Variants in DLG2 observed in about 807,000 individuals in gnomAD.
DLG2 encodes the protein disks large homolog 2.
Under a neutral mutation model 132.5 loss-of-function variants are expected in DLG2, and 45 were observed. The observed-to-expected ratio is 0.34, with a 90% confidence interval of 0.27 to 0.44. DLG2 has a LOEUF of 0.44. DLG2 is among the 20% of genes least tolerant of loss of function. The pLI is 1.00. For synonymous variants in DLG2, 424 were observed against 419.6 expected (o/e 1.01, Z -0.13); for missense variants, 1,045 against 1,196.9 (o/e 0.87, Z 1.87).
intron 18 of DLG2, among the ~76,000 whole-genome samples, chr11:83,742,765 GTAGAAT>G (rs1241628839): frequency 1.3e-5 from 2 of 152,138 alleles, no homozygotes; most frequent in Admixed American, 1.3e-4. Context: ...CATTTTTACA[GTAGAAT>G]TAGAATTAGA....
intron 3 of DLG2, among the ~76,000 whole-genome samples, chr11:85,372,952 C>A (rs1257411427): frequency 6.6e-6 from 1 of 152,188 alleles, no homozygotes; most frequent in Admixed American, 6.5e-5. Flanking sequence ...CATCCTGAAC[C>A]CTTGGGACTC....
chr11:84,010,006 C>G (rs970351357), intron 11 of DLG2, among the ~76,000 whole-genome samples: 5 of 152,058 alleles, frequency 3.3e-5, no homozygotes, highest in African/African-American at 1.2e-4. Context: ...GCCTCCCAGT[C>G]TGTGCACTGT....
At chr11:83,887,644 CA>C (rs2068327737) in intron 15 of DLG2, among the ~76,000 whole-genome samples, 1 of 151,486 alleles carries the variant, frequency 6.6e-6, no homozygotes, top group Non-Finnish European at 1.5e-5. Flanking sequence ...GAGACACAAA[CA>C]AAAAAGAGAA....
intron 6 of DLG2, among the ~76,000 whole-genome samples, chr11:84,811,027 T>G (rs921704844): frequency 1.3e-5 from 2 of 152,250 alleles, no homozygotes; most frequent in Admixed American, 6.5e-5. Context: ...ATATTTTGAT[T>G]GTAATATTGT....
intron 10 of DLG2, among the ~76,000 whole-genome samples, chr11:84,090,304 C>T (rs1358931445): frequency 1.3e-5 from 2 of 150,426 alleles, no homozygotes; most frequent in African/African-American, 4.9e-5. Context: ...ATCCCAGCTA[C>T]TCACGAGGCT....
chr11:84,331,340 G>C (rs1464900534), intron 7 of DLG2, among the ~76,000 whole-genome samples: 1 of 151,368 alleles, frequency 6.6e-6, no homozygotes, highest in African/African-American at 2.4e-5. Context: ...CTAAGTAATT[G>C]CTCAAGGTCA....
intron 6 of DLG2, among the ~76,000 whole-genome samples, chr11:84,937,398 A>AT (rs1360808500): frequency 6.6e-6 from 1 of 152,052 alleles, no homozygotes; most frequent in African/African-American, 2.4e-5. Flanking sequence ...AAAAAAAAAA[A>AT]AAATCAAATT....
At chr11:84,696,046 T>C (rs781735582) in intron 6 of DLG2, among the ~76,000 whole-genome samples, 2 of 151,522 alleles carry the variant, frequency 1.3e-5, no homozygotes, top group Non-Finnish European at 3.0e-5. Context: ...TTGTCTTTCA[T>C]GGTCTCCAAA....
intron 3 of DLG2, among the ~76,000 whole-genome samples, chr11:85,303,751 T>C (rs1401218296): frequency 6.6e-6 from 1 of 152,208 alleles, no homozygotes; most frequent in Non-Finnish European, 1.5e-5. Flanking sequence ...TATCTGGCCT[T>C]ATAAACTTCA....
At position 84,339,758 on chromosome 11, in the gene DLG2, A is replaced by T. The variant is rs190757744; in HGVS notation, c.520-88467T>A. 2.3e-3 allele frequency among the ~76,000 whole-genome samples: 349 copies of T among 152,336 alleles called. 1 individual carries two copies. Among genetic ancestry groups the T allele is most frequent in the African/African-American group, 8.2e-3 (339 of 41,570 alleles). On this transcript the variant is annotated intron_variant, in intron 7 of 27. Coordinates refer to ENST00000376104, the MANE Select transcript of DLG2 (RefSeq NM_001142699.3). ...CCCTCATTAAAATAATCCCCTTTAGAAAAGAGTCTTATTTTTACTCATAGA... is the reference window on the plus strand; with the variant it reads ...CCCTCATTAAAATAATCCCCTTTAGTAAAGAGTCTTATTTTTACTCATAGA...
intron 7 of DLG2, among the ~76,000 whole-genome samples, chr11:84,350,094 C>A (rs2098556213): frequency 1.3e-5 from 2 of 149,196 alleles, no homozygotes; most frequent in South Asian, 2.2e-4. Flanking sequence ...AGGAGAATGG[C>A]GTGAACCCGG....
chr11:84,906,836 G>C (rs927172570), intron 6 of DLG2, among the ~76,000 whole-genome samples: 4 of 152,104 alleles, frequency 2.6e-5, no homozygotes, highest in Non-Finnish European at 5.9e-5. Context: ...TGAATCCAAG[G>C]CATGGAAAGC....
rs191060778 is a variant in DLG2, at chr11:85,101,023, T to C, written c.357+10638A>G. 1.7e-3 allele frequency among the ~76,000 whole-genome samples: 254 copies of C among 152,288 alleles called. 1 individual carries two copies. Among genetic ancestry groups the C allele is most frequent in the Non-Finnish European group, 2.6e-3 (180 of 68,010 alleles). ...TTAGAAATAATTTTAGTTTTTTATG[T>C]GTTGACTCATGACCAACATTTATGA... On this transcript the variant is annotated intron_variant, in intron 6 of 27. Coordinates refer to ENST00000376104, the MANE Select transcript of DLG2 (RefSeq NM_001142699.3).
rs942082450 is a variant in DLG2, at chr11:85,451,787, C to G, written c.40+146870G>C. ...CTGGTCTTGAACTCTTGGCCCCAAG[C>G]AATCCTCTTGCCTCAGCCTCCCAAA... is the stretch of plus-strand genomic sequence containing the variant. On this transcript the variant is annotated intron_variant, in intron 3 of 27. Transcript: ENST00000376104. Among the ~76,000 whole-genome samples, 31 of 152,104 alleles carry G rather than the reference C, an allele frequency of 2.0e-4. 1 individual carries two copies. The highest frequency in any genetic ancestry group is 1.3e-3 in the Admixed American group (20 of 15,268).
intron 16 of DLG2, among the ~76,000 whole-genome samples, chr11:83,854,054 A>C (rs2060157968): frequency 6.6e-6 from 1 of 152,202 alleles, no homozygotes; most frequent in Admixed American, 6.5e-5. Context: ...GATTAGTACA[A>C]AAAAGCCAAT....
At chr11:85,047,554 A>T (rs886208249) in intron 6 of DLG2, among the ~76,000 whole-genome samples, 4 of 151,846 alleles carry the variant, frequency 2.6e-5, no homozygotes, top group African/African-American at 9.7e-5. Context: ...TAGCTGTGTT[A>T]TCTAGAATAT....
At chr11:85,590,243 T>A (rs1440999062) in intron 3 of DLG2, among the ~76,000 whole-genome samples, 1 of 152,296 alleles carries the variant, frequency 6.6e-6, no homozygotes, top group Non-Finnish European at 1.5e-5. Context: ...CATGCCAGAT[T>A]TGGCTGAATT....
At chr11:85,230,125 T>G (rs1046747798) in intron 4 of DLG2, among the ~76,000 whole-genome samples, 6 of 152,030 alleles carry the variant, frequency 3.9e-5, no homozygotes, top group Non-Finnish European at 5.9e-5. Flanking sequence ...ACTTAAAGTA[T>G]TGTTTAAAAA....
chr11:83,497,259 C>T lies in DLG2; in HGVS notation c.2194-13031G>A, dbSNP rs558646576. Among the ~76,000 whole-genome samples, 3 of 152,234 alleles carry T rather than the reference C, an allele frequency of 2.0e-5. No homozygotes were observed. The East Asian group carries it at 5.8e-4, about 29-fold the overall frequency. ...AAGTAATGGAAGAATAAGAACCATA[C>T]CGGCTGGGCGTGGTGGCTCACGCCT... On this transcript the variant is annotated intron_variant, in intron 21 of 27. Coordinates refer to ENST00000376104, the MANE Select transcript of DLG2 (RefSeq NM_001142699.3).
Sources: gnomAD v4.1 joint callset for allele counts (sites outside exome capture counted in the v4.1 genomes callset) on GRCh38, gnomAD v4.1.1 for gene constraint, MANE v1.5 for transcripts, NCBI Gene and HGNC (gene_info 2026-07-23, HGNC 2026-07-21) for gene names.